The following DDX31 variants were observed in gnomAD, a reference collection of about 807,000 sequenced individuals.
DDX31 encodes ATP-dependent DNA helicase DDX31.
Under a neutral mutation model 91.3 loss-of-function variants are expected in DDX31, and 70 were observed. The ratio of observed to expected loss-of-function variants is 0.77; its 90% CI spans 0.63 to 0.94. The LOEUF is 0.94. DDX31 is among the 40% of genes least tolerant of loss of function. The pLI, the probability that DDX31 is intolerant of heterozygous loss-of-function variation, is 0.00. For synonymous variants in DDX31, 362 were observed against 350.6 expected (o/e 1.03, Z -0.36); for missense variants, 902 against 925.0 (o/e 0.98, Z 0.32).
At chr9:132,614,257 C>T (rs1022469551) in intron 18 of DDX31, among the ~76,000 whole-genome samples, 1 of 152,158 alleles carries the variant, frequency 6.6e-6, no homozygotes, top group Admixed American at 6.5e-5. Flanking sequence ...ATAACCAAGG[C>T]AACTCCTCTG....
intron 18 of DDX31, among the ~76,000 whole-genome samples, chr9:132,618,044 T>C (rs1831754824): frequency 6.6e-6 from 1 of 152,224 alleles, no homozygotes; most frequent in South Asian, 2.1e-4. Flanking sequence ...GGAAAACAGA[T>C]CCTTAAGATC....
intron 8 of DDX31, 39 bp downstream of exon 8, chr9:132,651,032 AAGTC>A (rs2130790042): frequency 6.4e-7 from 1 of 1,562,324 alleles, no homozygotes; most frequent in Non-Finnish European, 8.8e-7. Flanking sequence ...TCCTTCCTCA[AAGTC>A]AGCAAGCAAG....
intron 1 of DDX31, chr9:132,669,521 G>C: frequency 7.4e-7 from 1 of 1,350,166 alleles, no homozygotes; most frequent in Non-Finnish European, 9.8e-7. Flanking sequence ...AACTGGCTTA[G>C]AGAAGTTAAG....
intron 9 of DDX31, among the ~76,000 whole-genome samples, chr9:132,648,909 T>A (rs1834006526): frequency 6.6e-6 from 1 of 152,200 alleles, no homozygotes; most frequent in South Asian, 2.1e-4. Flanking sequence ...GAGAATCTAG[T>A]ATCTGAGCAA....
intron 5 of DDX31, 48 bp downstream of exon 5, chr9:132,659,662 C>T (rs1834808438): frequency 1.3e-6 from 2 of 1,568,028 alleles, no homozygotes; most frequent in Non-Finnish European, 1.7e-6. Flanking sequence ...TAGTGCATGA[C>T]CATGGGCCTG....
At chr9:132,634,597 T>TG (rs1203661350) in intron 14 of DDX31, among the ~76,000 whole-genome samples, 1 of 150,270 alleles carries the variant, frequency 6.7e-6, no homozygotes, top group East Asian at 1.9e-4. Flanking sequence ...TTTTTTTTTT[T>TG]TTTTTTTTTT....
intron 9 of DDX31, among the ~76,000 whole-genome samples, chr9:132,649,046 A>AT (rs1482594529): frequency 6.6e-6 from 1 of 152,122 alleles, no homozygotes; most frequent in Non-Finnish European, 1.5e-5. Flanking sequence ...CTAATTTCTC[A>AT]TTCCCCAGAC....
chr9:132,630,168 G>A (rs1270070948), intron 16 of DDX31, 96 bp downstream of exon 16: 2 of 1,375,910 alleles, frequency 1.5e-6, no homozygotes, highest in African/African-American at 1.4e-5. Context: ...AGGGTTAATG[G>A]CTCTTCGTCA....
In DDX31 at chr9:132,632,060, T is replaced by G; in HGVS notation, c.1472A>C (p.Gln491Pro). Residue 491 changes from glutamine (Q) to proline (P), a missense_variant, in exon 15 of 20, where the codon CAA becomes CCA. Physicochemically the swap from Gln to Pro is moderately conservative, Grantham distance 76 (BLOSUM62 -1). Coordinates refer to ENST00000372159, the MANE Select transcript of DDX31 (RefSeq NM_022779.9). ...DVAARGLDLP[Q>P]VTWIVQYNAP... The stretch of plus-strand genomic sequence containing the variant: ...AATTACCTGAACAATCCACGTGACT[T>G]GAGGGAGATCTAAGCCCCGAGCTGC... 6.2e-7 allele frequency: 1 copy of G among 1,613,334 alleles called. No homozygotes were observed. The highest frequency in any genetic ancestry group is 1.3e-5 in the African/African-American group (1 of 74,968).
chr9:132,616,466 T>A (rs367924303), intron 18 of DDX31, among the ~76,000 whole-genome samples: 2 of 152,292 alleles, frequency 1.3e-5, no homozygotes, highest in African/African-American at 4.8e-5. Context: ...CTTGAAATAG[T>A]TGTAGTCTTG....
At chr9:132,640,890 G>A (rs1433788390) in intron 14 of DDX31, among the ~76,000 whole-genome samples, 1 of 152,150 alleles carries the variant, frequency 6.6e-6, no homozygotes, top group East Asian at 1.9e-4. Context: ...GAACAAGCTC[G>A]AGCATCTGAC....
intron 19 of DDX31, among the ~76,000 whole-genome samples, chr9:132,600,138 A>G (rs1247082358): frequency 6.6e-6 from 1 of 152,256 alleles, no homozygotes; most frequent in East Asian, 1.9e-4. Flanking sequence ...TGACCTTGGC[A>G]TGGGCCAACC....
rs1399363625 is a variant in DDX31, at chr9:132,593,971, G to C, written c.*895C>G. The C allele has an allele frequency of 7.2e-6, 1 of 139,076 alleles. No homozygotes were observed. Among genetic ancestry groups the C allele is most frequent in the East Asian group, 2.4e-4 (1 of 4,254 alleles). 8.6% of individuals were successfully genotyped at this position (139,076 alleles called of 1,614,324 possible). ...CTTACATTTATTGGGAAATCAATAT[G>C]CTCCAGGGGGCCTCTTTCAAACCTC... On this transcript the variant is annotated 3_prime_UTR_variant, in exon 20 of 20. Transcript: ENST00000372159.
Position 132,647,016 on chromosome 9 carries a change from C to G in DDX31, c.1010G>C (p.Ser337Thr), listed in dbSNP as rs1435907354. Residue 337 changes from serine to threonine, a missense_variant, in exon 12 of 20, where the codon AGT becomes ACT. Coordinates refer to ENST00000372159, the MANE Select transcript of DDX31 (RefSeq NM_022779.9). ...ATGGCTCTTGTCCAGGACAGAAATACTGACTGGATCATGCAAACTGATATC... is the reference window on the plus strand; with the variant it reads ...ATGGCTCTTGTCCAGGACAGAAATAGTGACTGGATCATGCAAACTGATATC... Reference protein sequence around the residue: ...LADISLHDPVSISVLDKSHDQ... With the variant: ...LADISLHDPVTISVLDKSHDQ... 2 of 1,614,114 alleles carry G rather than the reference C, an allele frequency of 1.2e-6. No individual in the cohort carries two copies. The highest frequency in any genetic ancestry group is 2.7e-5 in the African/African-American group (2 of 74,932).
At chr9:132,651,142 T>G in intron 7 of DDX31, 26 bp from the exon 8 acceptor site, 1 of 1,583,370 alleles carries the variant, frequency 6.3e-7, no homozygotes, top group Admixed American at 1.8e-5. Flanking sequence ...AAGTTATAGA[T>G]GATGAACAGG....
rs557019814 is a variant in DDX31 at position 132,595,897 on chromosome 9, C to A, written c.1995-785G>T. Among the ~76,000 whole-genome samples the A allele has an allele frequency of 1.1e-4, 16 of 152,212 alleles. No homozygotes were observed. In the South Asian group the frequency reaches 3.3e-3, roughly 32 times the overall value. On this transcript the variant is annotated intron_variant, in intron 19 of 19. Coordinates refer to ENST00000372159, the MANE Select transcript of DDX31 (RefSeq NM_022779.9). The surrounding 1 kb of genome is among the most constrained non-coding windows in gnomAD (Gnocchi z 4.6). The stretch of plus-strand genomic sequence containing the variant: ...AAAGATGGCAATTTTACCATTTGAT[C>A]GGAAGATCAGAGGAGGAAATTTGTA...
chr9:132,645,962 G>A lies in DDX31; in HGVS notation c.1313C>T (p.Ser438Leu), dbSNP rs1833806562. The A allele has an allele frequency of 1.2e-6, 2 of 1,614,042 alleles. No homozygotes were observed. Among genetic ancestry groups the A allele is most frequent in the Non-Finnish European group, 1.7e-6 (2 of 1,179,960 alleles). Residue 438 changes from serine (S) to leucine (L), a missense_variant, in exon 13 of 20, where the codon TCA (serine) becomes TTA (leucine). Ser to Leu is a moderately radical substitution (Grantham distance 145). Transcript: ENST00000372159. ...TLLSSSGAPA[S>L]GQLPSASMRL... Reference sequence around the variant, plus strand: ...CATGGAGGCAGATGGCAACTGCCCTGATGCCGGCGCCCCTGAGCTGCTCAG... The same window carrying A: ...CATGGAGGCAGATGGCAACTGCCCTAATGCCGGCGCCCCTGAGCTGCTCAG...
intron 18 of DDX31, among the ~76,000 whole-genome samples, chr9:132,616,245 T>C (rs905689338): frequency 1.3e-5 from 2 of 152,152 alleles, no homozygotes; most frequent in Non-Finnish European, 2.9e-5. Flanking sequence ...GGTGTGGAAA[T>C]TGATTAGCAA....
chr9:132,649,585 C>T (rs1340446024), intron 9 of DDX31, among the ~76,000 whole-genome samples: 1 of 152,180 alleles, frequency 6.6e-6, no homozygotes, highest in East Asian at 1.9e-4. Flanking sequence ...GTTTGTGCCA[C>T]TGTTATTTGT....
Sources: gnomAD v4.1 joint callset for allele counts (sites outside exome capture counted in the v4.1 genomes callset) on GRCh38, gnomAD v4.1.1 for gene constraint, Gnocchi (gnomAD v3.1) non-coding constraint, MANE v1.5 for transcripts, NCBI Gene and HGNC (gene_info 2026-07-23, HGNC 2026-07-21) for gene names.